The following NCOA1 variants were observed in gnomAD, a reference collection of about 807,000 sequenced individuals.
The protein encoded by NCOA1 is nuclear receptor coactivator 1.
In NCOA1, 35 loss-of-function variants were observed where a neutral mutation model predicts 150.9. The observed-to-expected ratio is 0.23, with a 90% CI of 0.18 to 0.31. The LOEUF is 0.31. NCOA1 is among the 10% of genes least tolerant of loss of function. The pLI, the probability that NCOA1 is intolerant of heterozygous loss-of-function variation, is 1.00. For missense variants in NCOA1, 1,491 were observed against 1,749.3 expected, an observed-to-expected ratio of 0.85 and a Z score of 2.63; for synonymous variants, 590 against 630.0, an observed-to-expected ratio of 0.94 and a Z score of 0.95.
chr2:24,550,803 C>A (rs879619830), intron 1 of NCOA1, among the ~76,000 whole-genome samples: 1 of 152,106 alleles, frequency 6.6e-6, no homozygotes, highest in African/African-American at 2.4e-5. Flanking sequence ...ATTTGTATTA[C>A]CTAACTTTAA....
intron 1 of NCOA1, among the ~76,000 whole-genome samples, chr2:24,505,928 T>C (rs1663672698): frequency 6.6e-6 from 1 of 151,964 alleles, no homozygotes; most frequent in South Asian, 2.1e-4. Context: ...GAGGCCAACA[T>C]ACAGAGTAAA....
chr2:24,499,207 T>G (rs1160179537), intron 1 of NCOA1, among the ~76,000 whole-genome samples: 1 of 152,160 alleles, frequency 6.6e-6, no homozygotes, highest in African/African-American at 2.4e-5. Flanking sequence ...TTTCTGATTC[T>G]GCATTTCTTT....
intron 14 of NCOA1, among the ~76,000 whole-genome samples, chr2:24,720,395 G>T (rs1468949117): frequency 6.6e-6 from 1 of 152,192 alleles, no homozygotes; most frequent in African/African-American, 2.4e-5. Flanking sequence ...TGTGAAAGTG[G>T]GGTGTTTTCT....
chr2:24,535,919 T>A (rs1164755720), intron 1 of NCOA1, among the ~76,000 whole-genome samples: 1 of 152,150 alleles, frequency 6.6e-6, no homozygotes, highest in Non-Finnish European at 1.5e-5. Flanking sequence ...AATCCAACAA[T>A]TATGTGTCTT....
chr2:24,556,915 T>C (rs1666094543), intron 1 of NCOA1, among the ~76,000 whole-genome samples: 3 of 152,026 alleles, frequency 2.0e-5, no homozygotes, highest in South Asian at 2.1e-4. Context: ...TCTCTACTCT[T>C]AGCTACTTAT....
chr2:24,706,190 C>G (rs1172860460), intron 12 of NCOA1, among the ~76,000 whole-genome samples: 1 of 151,720 alleles, frequency 6.6e-6, no homozygotes, highest in Non-Finnish European at 1.5e-5. Context: ...TATTTTTCAA[C>G]CAAAAAATTA....
intron 1 of NCOA1, chr2:24,492,276 G>A (rs1156321358): frequency 6.6e-6 from 1 of 152,330 alleles, no homozygotes; most frequent in Non-Finnish European, 1.5e-5. Context: ...GCCGAGGAAG[G>A]GAAGCAAACA....
At chr2:24,735,275 A>T (rs1663238892) in intron 17 of NCOA1, among the ~76,000 whole-genome samples, 1 of 152,194 alleles carries the variant, frequency 6.6e-6, no homozygotes, top group Admixed American at 6.5e-5. Context: ...AGTGTCCAGA[A>T]TACACCCAGT....
chr2:24,498,509 CAG>C (rs1395974118), intron 1 of NCOA1, among the ~76,000 whole-genome samples: 1 of 152,064 alleles, frequency 6.6e-6, no homozygotes, highest in East Asian at 1.9e-4. Flanking sequence ...TGAGAAAAAT[CAG>C]GGCAAGTTTT....
chr2:24,729,869 C>CAAAA, intron 17 of NCOA1, 54 bp downstream of exon 17: 1 of 1,407,764 alleles, frequency 7.1e-7, no homozygotes, highest in Non-Finnish European at 9.2e-7. Flanking sequence ...GACGAAGTCT[C>CAAAA]ACCTGTCACC....
At chr2:24,516,517 G>A (rs1664174220) in intron 1 of NCOA1, among the ~76,000 whole-genome samples, 1 of 151,288 alleles carries the variant, frequency 6.6e-6, no homozygotes, top group Admixed American at 6.6e-5. Flanking sequence ...ATTGAGGGGA[G>A]GAGCAAAGAT....
At chr2:24,613,259 C>G (rs1668715397) in intron 3 of NCOA1, among the ~76,000 whole-genome samples, 1 of 152,156 alleles carries the variant, frequency 6.6e-6, no homozygotes, top group Non-Finnish European at 1.5e-5. Context: ...GGTAAGATCA[C>G]TTAGCCAGCT....
In NCOA1 at chr2:24,516,911, CAT is replaced by C. The variant is rs1491378532; in HGVS notation, c.-396+25310_-396+25311del. ...CCCCCTTCAACCACATATATATGTGCATGTGTGTGTGCGCGCGTGTGTATATA... is the reference window on the plus strand; with the variant it reads ...CCCCCTTCAACCACATATATATGTGCGTGTGTGTGCGCGCGTGTGTATATA... On this transcript the variant is annotated intron_variant, in intron 1 of 22. Transcript: ENST00000348332. 5.8e-5 allele frequency among the ~76,000 whole-genome samples: 4 copies of C among 68,604 alleles called. No individual in the cohort carries two copies. The Admixed American group carries it at 6.7e-4, about 11-fold the overall frequency. The allele number at this position is 68,604 out of a possible 152,430, so 45.0% of individuals were successfully genotyped here.
chr2:24,725,714 C>CGTGTGTGTGTGTGTGTGT (rs57720230), intron 14 of NCOA1, among the ~76,000 whole-genome samples: 1 of 148,874 alleles, frequency 6.7e-6, no homozygotes, highest in African/African-American at 2.5e-5. Context: ...CTAAAGTGTG[C>CGTGTGTGTGTGTGTGTGT]GTGTGTGTGT....
At chr2:24,576,675 G>A (rs750451018) in intron 2 of NCOA1, among the ~76,000 whole-genome samples, 1 of 152,060 alleles carries the variant, frequency 6.6e-6, no homozygotes, top group Non-Finnish European at 1.5e-5. Context: ...TCCTTTTTCT[G>A]TGGATTAAGA....
chr2:24,582,294 CA>C (rs1667223614), intron 2 of NCOA1, among the ~76,000 whole-genome samples: 5 of 151,996 alleles, frequency 3.3e-5, no homozygotes, highest in Admixed American at 2.0e-4. Context: ...ATACAAAAAT[CA>C]GTAGCATTTC....
intron 1 of NCOA1, among the ~76,000 whole-genome samples, chr2:24,518,501 TA>T (rs375497557): frequency 1.0e-4 from 15 of 147,130 alleles, no homozygotes; most frequent in Admixed American, 2.0e-4. Flanking sequence ...TATGATGAAG[TA>T]AAAAAAAAAG....
chr2:24,508,135 C>T (rs1242089038), intron 1 of NCOA1, among the ~76,000 whole-genome samples: 1 of 152,004 alleles, frequency 6.6e-6, no homozygotes, highest in Non-Finnish European at 1.5e-5. Context: ...ACAGCTAATC[C>T]TATTGATGGT....
At chr2:24,681,674 A>T (rs1672181577) in intron 7 of NCOA1, among the ~76,000 whole-genome samples, 1 of 151,122 alleles carries the variant, frequency 6.6e-6, no homozygotes, top group Non-Finnish European at 1.5e-5. Context: ...TACTTTTTGG[A>T]GAGTATCTGC....
Sources: gnomAD v4.1 joint callset for allele counts (sites outside exome capture counted in the v4.1 genomes callset) on GRCh38, gnomAD v4.1.1 for gene constraint, MANE v1.5 for transcripts, NCBI Gene and HGNC (gene_info 2026-07-23, HGNC 2026-07-21) for gene names.